The following TMEM266 variants were observed in gnomAD, a reference collection of about 807,000 sequenced individuals.
TMEM266 encodes transmembrane protein 266.
In TMEM266, 33 loss-of-function variants were observed where a neutral mutation model predicts 50.5. The observed-to-expected ratio is 0.65, with a 90% CI of 0.50 to 0.87. The LOEUF (loss-of-function observed/expected upper bound fraction) is 0.87. Ranked by LOEUF, TMEM266 falls within the 40% of genes least tolerant of loss-of-function variation. TMEM266 has a pLI of 0.00. For synonymous variants in TMEM266, 310 were observed against 292.3 expected (o/e 1.06, Z -0.62); for missense variants, 655 against 695.1 (o/e 0.94, Z 0.65).
At chr15:76,067,376 T>G (rs1009240690) in intron 1 of TMEM266, among the ~76,000 whole-genome samples, 1 of 151,706 alleles carries the variant, frequency 6.6e-6, no homozygotes. Context: ...GGTGCGGTGG[T>G]TCACGCCTAT....
At chr15:76,187,971 G>T (rs886617140) in intron 8 of TMEM266, among the ~76,000 whole-genome samples, 1 of 152,126 alleles carries the variant, frequency 6.6e-6, no homozygotes, top group Non-Finnish European at 1.5e-5. Context: ...GGGGTGGAGG[G>T]TGGCAGGGGT....
rs139238123 is a variant in TMEM266 at position 76,121,055 on chromosome 15, A to AG, written c.-96-13110dup. Among the ~76,000 whole-genome samples the AG allele has an allele frequency of 2.0e-4, 31 of 152,304 alleles. No individual in the cohort carries two copies. In the East Asian group the frequency reaches 4.4e-3, roughly 22 times the overall value. On this transcript the variant is annotated intron_variant, in intron 1 of 10. Coordinates refer to ENST00000388942, the MANE Select transcript of TMEM266 (RefSeq NM_152335.3). ...CTGCTGAGTGATAAAAGCAAATTGCAGGGTTGATTTTATTTTGTTCAACAC... is the reference window on the plus strand; with the variant it reads ...CTGCTGAGTGATAAAAGCAAATTGCAGGGGTTGATTTTATTTTGTTCAACAC...
At chr15:76,130,475 G>T (rs1458780885) in intron 1 of TMEM266, among the ~76,000 whole-genome samples, 2 of 152,224 alleles carry the variant, frequency 1.3e-5, no homozygotes, top group African/African-American at 4.8e-5. Flanking sequence ...GGGATGTAGG[G>T]GTTGCAGTGA....
chr15:76,155,093 C>T lies in TMEM266; in HGVS notation c.228-1511C>T, dbSNP rs995881520. Reference sequence around the variant, plus strand: ...CTTTAGTGACCTGTGAGTTCAGGAGCATTATCCCTGTTTATACATGGGGAG... The same window carrying T: ...CTTTAGTGACCTGTGAGTTCAGGAGTATTATCCCTGTTTATACATGGGGAG... On this transcript the variant is annotated intron_variant, in intron 3 of 10. Coordinates refer to ENST00000388942, the MANE Select transcript of TMEM266 (RefSeq NM_152335.3). Among the ~76,000 whole-genome samples the T allele has an allele frequency of 7.2e-5, 11 of 152,330 alleles. No individual in the cohort carries two copies. In the East Asian group the frequency reaches 7.7e-4, roughly 11 times the overall value.
Position 76,153,931 on chromosome 15 carries a change from C to T in TMEM266, c.228-2673C>T, listed in dbSNP as rs2037883835. On this transcript the variant is annotated intron_variant, in intron 3 of 10. Coordinates refer to ENST00000388942, the MANE Select transcript of TMEM266 (RefSeq NM_152335.3). This position sits in a 1 kb window ranked among gnomAD's most constrained non-coding sequence, Gnocchi z 4.2. ...CTGGGAGCCTCCAGCCCAGCAGGGCCAAAGCTGTCATCTGAGCACCTGGCT... is the reference window on the plus strand; with the variant it reads ...CTGGGAGCCTCCAGCCCAGCAGGGCTAAAGCTGTCATCTGAGCACCTGGCT... Among the ~76,000 whole-genome samples the T allele has an allele frequency of 6.6e-6, 1 of 152,172 alleles. No homozygotes were observed. The highest frequency in any genetic ancestry group is 1.5e-5 in the Non-Finnish European group (1 of 68,018).
chr15:76,122,366 G>C (rs2037359351), intron 1 of TMEM266, among the ~76,000 whole-genome samples: 1 of 152,210 alleles, frequency 6.6e-6, no homozygotes, highest in Non-Finnish European at 1.5e-5. Flanking sequence ...GACAAACAGG[G>C]CATTGATACA....
chr15:76,068,837 C>G (rs2036485906), intron 1 of TMEM266, among the ~76,000 whole-genome samples: 1 of 152,170 alleles, frequency 6.6e-6, no homozygotes, highest in Non-Finnish European at 1.5e-5. Flanking sequence ...ACTAATACAT[C>G]CAGCATCCTT....
chr15:76,184,962 A>G (rs555054652), intron 8 of TMEM266, among the ~76,000 whole-genome samples: 2 of 152,282 alleles, frequency 1.3e-5, no homozygotes, highest in East Asian at 1.9e-4. Flanking sequence ...CCATTTGCCA[A>G]TGGAAGATTT....
At chr15:76,068,606 C>T (rs1162786223) in intron 1 of TMEM266, among the ~76,000 whole-genome samples, 4 of 151,992 alleles carry the variant, frequency 2.6e-5, no homozygotes, top group African/African-American at 9.7e-5. Context: ...AGTACTGTAC[C>T]CTTATAAAAA....
At chr15:76,096,309 G>C (rs879818035) in intron 1 of TMEM266, among the ~76,000 whole-genome samples, 1 of 151,952 alleles carries the variant, frequency 6.6e-6, no homozygotes, top group Admixed American at 6.5e-5. Flanking sequence ...GAAACGTTGT[G>C]TTTTCGTTCT....
chr15:76,185,165 T>G (rs566277737), intron 8 of TMEM266, among the ~76,000 whole-genome samples: 115 of 152,334 alleles, frequency 7.5e-4, no homozygotes, highest in Non-Finnish European at 1.3e-3. Flanking sequence ...TGATGTTTTT[T>G]ATTAGATTTG....
chr15:76,094,307 G>C (rs992905327), intron 1 of TMEM266, among the ~76,000 whole-genome samples: 3 of 152,014 alleles, frequency 2.0e-5, no homozygotes, highest in African/African-American at 7.2e-5. Flanking sequence ...GTGTAAGGAA[G>C]GGGTCCAGTT....
chr15:76,191,158 C>G (rs866626118), intron 8 of TMEM266, among the ~76,000 whole-genome samples: 38 of 152,366 alleles, frequency 2.5e-4, no homozygotes, highest in African/African-American at 7.5e-4. Flanking sequence ...AGGTTGCTGC[C>G]TGGCCACCCT....
intron 7 of TMEM266, among the ~76,000 whole-genome samples, chr15:76,171,503 C>T (rs1258779935): frequency 1.3e-5 from 2 of 152,194 alleles, no homozygotes; most frequent in South Asian, 4.1e-4. Context: ...CTGCTGGCTC[C>T]CCGATGGCTG....
At chr15:76,175,938 A>C in intron 8 of TMEM266, 1 of 321,526 alleles carries the variant, frequency 3.1e-6, no homozygotes, top group Admixed American at 4.7e-5. Context: ...TCAGCTCCCC[A>C]ACCTGAGTCT....
At chr15:76,111,834 C>T (rs1012904744) in intron 1 of TMEM266, among the ~76,000 whole-genome samples, 7 of 152,234 alleles carry the variant, frequency 4.6e-5, no homozygotes, top group East Asian at 1.9e-4. Flanking sequence ...CTGACGTAAA[C>T]GTCAGCAGCT....
At chr15:76,085,028 C>T (rs561220930) in intron 1 of TMEM266, among the ~76,000 whole-genome samples, 43 of 150,308 alleles carry the variant, frequency 2.9e-4, no homozygotes, top group African/African-American at 1.1e-3. Flanking sequence ...GGCGCGATCT[C>T]GGCTCACTAC....
chr15:76,159,518 C>T (rs1223004633), intron 4 of TMEM266, among the ~76,000 whole-genome samples: 1 of 152,126 alleles, frequency 6.6e-6, no homozygotes, highest in Non-Finnish European at 1.5e-5. Context: ...AGGCAGACAC[C>T]TCCACCCCAT....
At chr15:76,194,652 C>T (rs1386347997) in intron 9 of TMEM266, among the ~76,000 whole-genome samples, 3 of 152,166 alleles carry the variant, frequency 2.0e-5, no homozygotes, top group African/African-American at 4.8e-5. Flanking sequence ...ATCTGTCCCA[C>T]GCCTCCCTCT....
Sources: allele counts gnomAD v4.1 joint callset (sites outside exome capture counted in the v4.1 genomes callset), GRCh38; gene constraint gnomAD v4.1.1; non-coding constraint Gnocchi (gnomAD v3.1); transcripts MANE v1.5; gene names NCBI Gene and HGNC (gene_info 2026-07-23, HGNC 2026-07-21).